Variants in SPATA17 observed in about 807,000 individuals in gnomAD.
SPATA17 encodes spermatogenesis associated 17, also known as spermatogenesis-associated protein 17.
SPATA17 carries 53 observed loss-of-function variants against 62.2 expected under a neutral mutation model. The observed-to-expected ratio is 0.85, with a 90% CI of 0.68 to 1.07. The LOEUF (loss-of-function observed/expected upper bound fraction) is 1.07, where lower values mean the gene tolerates loss of function less well. Among genes scored for constraint, SPATA17 ranks in the 50% least tolerant of loss-of-function variants. The pLI, the probability that SPATA17 is intolerant of heterozygous loss-of-function variation, is 0.00. For missense variants in SPATA17, 466 were observed against 425.5 expected, an observed-to-expected ratio of 1.10 and a Z score of -0.84; for synonymous variants, 146 against 146.8, an observed-to-expected ratio of 0.99 and a Z score of 0.04.
intron 6 of SPATA17, among the ~76,000 whole-genome samples, chr1:217,760,340 G>T (rs570786669): frequency 1.0e-3 from 158 of 152,206 alleles, no homozygotes; most frequent in African/African-American, 3.6e-3. Flanking sequence ...CAATTTTATT[G>T]AAGGATAACA....
At chr1:217,745,969 G>A (rs12121957) in intron 6 of SPATA17, among the ~76,000 whole-genome samples, 69,702 of 151,892 alleles carry the variant, frequency 0.46, 17,505 homozygotes, top group Non-Finnish European at 0.58. Flanking sequence ...TCTGAGTGTT[G>A]TTAGTAATTT....
chr1:217,794,023 G>A (rs868693162), intron 8 of SPATA17, among the ~76,000 whole-genome samples: 28 of 151,686 alleles, frequency 1.8e-4, no homozygotes, highest in Admixed American at 1.3e-4. Flanking sequence ...GGGTAAGGCA[G>A]GAGAATGGCG....
In SPATA17 at chr1:217,801,761, C is replaced by T; in HGVS notation, c.916C>T (p.Pro306Ser). The T allele has an allele frequency of 6.2e-7, 1 of 1,609,232 alleles. No homozygotes were observed. Residue 306 changes from proline to serine, a missense_variant, in exon 9 of 11, where the codon CCA becomes TCA. By Grantham distance (74) the Pro-to-Ser change is moderately conservative (BLOSUM62 -1). Coordinates refer to ENST00000366933, the MANE Select transcript of SPATA17 (RefSeq NM_138796.4). ...ATACCATAAAAATGAAAAGTACATC[C>T]CATCAATGCATTTATCAAGCAAGTA... ...SSYHKNEKYI[P>S]SMHLSSKYGP...
At chr1:217,840,705 A>G (rs1213851601) in intron 9 of SPATA17, among the ~76,000 whole-genome samples, 1 of 151,956 alleles carries the variant, frequency 6.6e-6, no homozygotes, top group Non-Finnish European at 1.5e-5. Flanking sequence ...CAAAAAATAC[A>G]AAAATTAGCT....
chr1:217,645,003 T>C (rs1457356500), intron 1 of SPATA17, among the ~76,000 whole-genome samples: 1 of 152,084 alleles, frequency 6.6e-6, no homozygotes, highest in Non-Finnish European at 1.5e-5. Context: ...GTTCATGACA[T>C]ATTGTATGAG....
chr1:217,635,457 A>C (rs1447265572), intron 1 of SPATA17, among the ~76,000 whole-genome samples: 1 of 152,186 alleles, frequency 6.6e-6, no homozygotes, highest in Non-Finnish European at 1.5e-5. Context: ...TAATCCCAGC[A>C]CTTTGGGAGG....
chr1:217,765,916 T>C (rs1249770472), intron 6 of SPATA17, among the ~76,000 whole-genome samples: 2 of 152,064 alleles, frequency 1.3e-5, no homozygotes, highest in African/African-American at 4.8e-5. Flanking sequence ...ATTACCCCTC[T>C]TTATCCCTGA....
chr1:217,737,827 C>CTT lies in SPATA17; in HGVS notation c.396-4133_396-4132dup, dbSNP rs35634441. ...ATAGTTCAGCAGATATGCTTGTTGT[C>CTT]TTTTTTTTTTTTTTTTGAGATAGAG... On this transcript the variant is annotated intron_variant, in intron 5 of 10. Transcript: ENST00000366933. The CTT allele has an allele frequency of 1.1e-3, 159 of 138,298 alleles. 1 individual carries two copies. Among genetic ancestry groups the CTT allele is most frequent in the East Asian group, 2.5e-3 (12 of 4,740 alleles). The allele number at this position is 138,298 out of a possible 1,614,324, so 8.6% of individuals were successfully genotyped here. A position where few individuals can be genotyped will look rare whatever the true frequency, so the allele number is the denominator to read the frequency against.
At chr1:217,646,845 G>T (rs1309407125) in intron 1 of SPATA17, among the ~76,000 whole-genome samples, 1 of 151,620 alleles carries the variant, frequency 6.6e-6, no homozygotes, top group Non-Finnish European at 1.5e-5. Context: ...AGTGAGCCGA[G>T]ATCACACCAC....
chr1:217,854,974 G>A (rs967035494), intron 9 of SPATA17, among the ~76,000 whole-genome samples: 1 of 152,184 alleles, frequency 6.6e-6, no homozygotes, highest in African/African-American at 2.4e-5. Flanking sequence ...ATACAACTGT[G>A]AACAAAATGT....
chr1:217,763,110 A>G (rs946412207), intron 6 of SPATA17, among the ~76,000 whole-genome samples: 2 of 152,222 alleles, frequency 1.3e-5, no homozygotes, highest in Non-Finnish European at 2.9e-5. Context: ...AGAGTTGAGA[A>G]CCCACAACTT....
intron 1 of SPATA17, among the ~76,000 whole-genome samples, chr1:217,648,520 A>G (rs900921225): frequency 2.0e-5 from 3 of 152,240 alleles, no homozygotes; most frequent in African/African-American, 7.2e-5. Flanking sequence ...ATACATGTGT[A>G]GTAGCATTTA....
chr1:217,802,122 G>A (rs556681091), intron 9 of SPATA17, among the ~76,000 whole-genome samples: 1 of 152,076 alleles, frequency 6.6e-6, no homozygotes, highest in East Asian at 1.9e-4. Context: ...AGGTGGTCAG[G>A]GCTTGAGTAT....
intron 5 of SPATA17, among the ~76,000 whole-genome samples, chr1:217,717,591 A>G (rs1426955521): frequency 6.6e-6 from 1 of 152,174 alleles, no homozygotes; most frequent in Non-Finnish European, 1.5e-5. Flanking sequence ...CCTGGGTGAC[A>G]GAGTGATACT....
At chr1:217,780,683 A>C (rs1406062872) in intron 7 of SPATA17, among the ~76,000 whole-genome samples, 1 of 152,170 alleles carries the variant, frequency 6.6e-6, no homozygotes, top group African/African-American at 2.4e-5. Context: ...TATTGCTCAA[A>C]ACCTTTTAAA....
intron 1 of SPATA17, among the ~76,000 whole-genome samples, chr1:217,635,732 A>G: frequency 6.6e-6 from 1 of 151,552 alleles, no homozygotes; most frequent in Non-Finnish European, 1.5e-5. Flanking sequence ...GTGAGTTATT[A>G]TCAGTAGAAA....
chr1:217,782,715 C>G (rs1176904422), intron 8 of SPATA17, among the ~76,000 whole-genome samples: 5 of 152,040 alleles, frequency 3.3e-5, no homozygotes, highest in African/African-American at 1.2e-4. Flanking sequence ...ATTGACATAA[C>G]ATTGTAGTTT....
At chr1:217,751,692 G>C (rs1171807303) in intron 6 of SPATA17, among the ~76,000 whole-genome samples, 6 of 152,124 alleles carry the variant, frequency 3.9e-5, no homozygotes, top group Non-Finnish European at 8.8e-5. Context: ...AAATCTTGTT[G>C]TGTTTTCAAA....
intron 9 of SPATA17, among the ~76,000 whole-genome samples, chr1:217,830,196 A>G (rs1675101875): frequency 6.6e-6 from 1 of 152,102 alleles, no homozygotes; most frequent in Non-Finnish European, 1.5e-5. Flanking sequence ...CTTCCATTCA[A>G]TTTTATATCA....
Sources: gnomAD v4.1 joint callset for allele counts (sites outside exome capture counted in the v4.1 genomes callset) on GRCh38, gnomAD v4.1.1 for gene constraint, MANE v1.5 for transcripts, NCBI Gene and HGNC (gene_info 2026-07-23, HGNC 2026-07-21) for gene names.